Variants in UBAP2 observed in about 807,000 individuals in gnomAD.
The protein encoded by UBAP2 is ubiquitin associated protein 2.
UBAP2 carries 75 observed loss-of-function variants against 139.6 expected under a neutral mutation model. The observed-to-expected ratio is 0.54, with a 90% confidence interval of 0.45 to 0.65. UBAP2 has a LOEUF of 0.65. Among genes scored for constraint, UBAP2 ranks in the 30% least tolerant of loss-of-function variants. The probability of loss-of-function intolerance (pLI) is 0.00; values close to 1 mark genes in which losing one functional copy is unlikely to be tolerated. For missense variants in UBAP2, 1,368 were observed against 1,369.6 expected (o/e 1.00, Z 0.02); for synonymous variants, 526 against 526.2 (o/e 1.00, Z 0.01).
chr9:34,009,776 A>G (rs1397660844), intron 2 of UBAP2, among the ~76,000 whole-genome samples: 1 of 151,796 alleles, frequency 6.6e-6, no homozygotes, highest in Non-Finnish European at 1.5e-5. Context: ...TATTCCATGT[A>G]ACAAATGAAA....
At chr9:34,047,782 C>A (rs1044085597) in intron 1 of UBAP2, among the ~76,000 whole-genome samples, 2 of 152,170 alleles carry the variant, frequency 1.3e-5, no homozygotes, top group African/African-American at 4.8e-5. Flanking sequence ...GAGCTGGAGG[C>A]CAGCCTGGGC....
intron 1 of UBAP2, among the ~76,000 whole-genome samples, chr9:34,039,643 C>G (rs1826856120): frequency 6.6e-6 from 1 of 151,894 alleles, no homozygotes; most frequent in South Asian, 2.1e-4. Flanking sequence ...TAAACAGATG[C>G]TTGAAGGCAG....
chr9:33,926,579 C>G (rs1823446841), intron 22 of UBAP2, 38 bp downstream of exon 22: 1 of 1,613,136 alleles, frequency 6.2e-7, no homozygotes, highest in Non-Finnish European at 8.5e-7. Flanking sequence ...GTAAAAGATT[C>G]TGAACCCTCT....
At chr9:33,955,373 G>C (rs1278365071) in intron 11 of UBAP2, among the ~76,000 whole-genome samples, 1 of 151,948 alleles carries the variant, frequency 6.6e-6, no homozygotes, top group Non-Finnish European at 1.5e-5. Context: ...ACAAAAATTA[G>C]CCGGGCGTGG....
At chr9:33,999,527 A>T (rs922755457) in intron 2 of UBAP2, among the ~76,000 whole-genome samples, 3 of 152,158 alleles carry the variant, frequency 2.0e-5, no homozygotes, top group Non-Finnish European at 4.4e-5. Flanking sequence ...CTAAATTAAA[A>T]ATATTTTTAA....
chr9:33,925,035 C>T (rs1037526941), intron 22 of UBAP2, among the ~76,000 whole-genome samples: 1 of 152,154 alleles, frequency 6.6e-6, no homozygotes, highest in African/African-American at 2.4e-5. Flanking sequence ...GGAAGTATGG[C>T]AGATACAACA....
At chr9:33,957,697 T>C (rs184229480) in intron 10 of UBAP2, among the ~76,000 whole-genome samples, 1 of 152,284 alleles carries the variant, frequency 6.6e-6, no homozygotes, top group East Asian at 1.9e-4. Flanking sequence ...AAAATGTTGA[T>C]CTAATGAGGT....
At chr9:34,031,026 C>T (rs1825842390) in intron 1 of UBAP2, among the ~76,000 whole-genome samples, 1 of 152,180 alleles carries the variant, frequency 6.6e-6, no homozygotes. Flanking sequence ...AGGCGGATCA[C>T]CTGAGGTCAG....
chr9:34,039,179 C>G (rs1266658705), intron 1 of UBAP2, among the ~76,000 whole-genome samples: 1 of 151,050 alleles, frequency 6.6e-6, no homozygotes, highest in Non-Finnish European at 1.5e-5. Context: ...CCGCCCCTTC[C>G]GGGAGGGAGG....
rs188429462 is a variant in UBAP2, at chr9:33,993,595, G to A, written c.288+2628C>T. On this transcript the variant is annotated intron_variant, in intron 4 of 28. Transcript: ENST00000379238. Reference sequence around the variant, plus strand: ...GCTGGAGGATGGCATAAGCCCGGGAGGTCGAGGCTGTAGTAAACCGTGATG... The same window carrying A: ...GCTGGAGGATGGCATAAGCCCGGGAAGTCGAGGCTGTAGTAAACCGTGATG... Among the ~76,000 whole-genome samples, 701 of 152,322 alleles carry A rather than the reference G, an allele frequency of 4.6e-3. 3 individuals carry two copies. The highest frequency in any genetic ancestry group is 5.0e-3 in the Non-Finnish European group (337 of 68,032).
intron 9 of UBAP2, among the ~76,000 whole-genome samples, chr9:33,963,274 C>G (rs1827209411): frequency 6.6e-6 from 1 of 152,180 alleles, no homozygotes. Flanking sequence ...CATACCCACA[C>G]AGACTATAAA....
chr9:33,974,367 C>T (rs1307266259), intron 6 of UBAP2, among the ~76,000 whole-genome samples: 1 of 152,084 alleles, frequency 6.6e-6, no homozygotes, highest in Non-Finnish European at 1.5e-5. Flanking sequence ...ATTAATGGGG[C>T]ATAGTGGTAC....
chr9:33,927,585 T>G (rs190696245), intron 20 of UBAP2, among the ~76,000 whole-genome samples: 1 of 152,226 alleles, frequency 6.6e-6, no homozygotes, highest in Admixed American at 6.5e-5. Context: ...GAGGAAAGAC[T>G]GAAAAGCTAG....
chr9:33,932,203 A>G (rs1345669395), intron 19 of UBAP2, among the ~76,000 whole-genome samples: 1 of 151,528 alleles, frequency 6.6e-6, no homozygotes, highest in Non-Finnish European at 1.5e-5. Flanking sequence ...CACCATCTAG[A>G]CTCCCTTCTC....
intron 2 of UBAP2, among the ~76,000 whole-genome samples, chr9:34,014,843 AC>A (rs1824109299): frequency 6.6e-6 from 1 of 151,920 alleles, no homozygotes; most frequent in African/African-American, 2.4e-5. Flanking sequence ...TAAAAGGAGG[AC>A]CTAGCCTAAA....
chr9:33,935,939 C>G (rs1824473137), intron 16 of UBAP2, 61 bp from the exon 17 acceptor site: 4 of 1,469,266 alleles, frequency 2.7e-6, no homozygotes, highest in African/African-American at 1.4e-5. Context: ...ACCTGAGTGG[C>G]TTTTTATACT....
chr9:33,984,811 C>G (rs1821067323), intron 6 of UBAP2, among the ~76,000 whole-genome samples: 1 of 152,100 alleles, frequency 6.6e-6, no homozygotes, highest in Admixed American at 6.6e-5. Flanking sequence ...TCATCTTACC[C>G]CAGTTAGAAC....
chr9:33,969,889 C>T (rs940500972), intron 8 of UBAP2, among the ~76,000 whole-genome samples: 1 of 146,824 alleles, frequency 6.8e-6, no homozygotes, highest in Non-Finnish European at 1.5e-5. Context: ...CAAAAAAAAC[C>T]AGTTAAGCAA....
At chr9:33,975,507 C>G (rs1240229915) in intron 6 of UBAP2, among the ~76,000 whole-genome samples, 1 of 147,720 alleles carries the variant, frequency 6.8e-6, no homozygotes, top group African/African-American at 2.5e-5. Context: ...CTGGTAAAAA[C>G]GTAAAATGGG....
Sources: allele counts gnomAD v4.1 joint callset (sites outside exome capture counted in the v4.1 genomes callset), GRCh38; gene constraint gnomAD v4.1.1; transcripts MANE v1.5; gene names NCBI Gene and HGNC (gene_info 2026-07-23, HGNC 2026-07-21).